The following SGCZ variants were observed in gnomAD, a reference collection of about 807,000 sequenced individuals.
SGCZ encodes sarcoglycan zeta, also known as zeta-sarcoglycan.
In SGCZ, 40 loss-of-function variants were observed where a neutral mutation model predicts 41.3. The ratio of observed to expected loss-of-function variants is 0.97; its 90% CI spans 0.75 to 1.26. The LOEUF (loss-of-function observed/expected upper bound fraction) is 1.26, where lower values mean the gene tolerates loss of function less well. Ranked by LOEUF, SGCZ falls within the 50% of genes most tolerant of loss-of-function variation. The pLI, the probability that SGCZ is intolerant of heterozygous loss-of-function variation, is 0.00. For missense variants in SGCZ, 552 were observed against 369.8 expected, an observed-to-expected ratio of 1.49 and a Z score of -4.04; for synonymous variants, 206 against 137.5, an observed-to-expected ratio of 1.50 and a Z score of -3.49.
intron 1 of SGCZ, among the ~76,000 whole-genome samples, chr8:14,581,156 G>A (rs1181109926): frequency 6.6e-6 from 1 of 152,120 alleles, no homozygotes. Context: ...CACCCAGGCT[G>A]CAGTGCAGTG....
chr8:14,870,519 G>A (rs1162128122), intron 1 of SGCZ, among the ~76,000 whole-genome samples: 2 of 152,118 alleles, frequency 1.3e-5, no homozygotes, highest in Admixed American at 6.5e-5. Context: ...TCAGGACATA[G>A]GCATGAGCAA....
rs201478451 is a variant in SGCZ at position 14,507,760 on chromosome 8, G to GT, written c.234+46971dup. 3.5e-3 allele frequency among the ~76,000 whole-genome samples: 414 copies of GT among 118,684 alleles called. 3 individuals are homozygous for GT. The highest frequency in any genetic ancestry group is 0.013 in the African/African-American group (382 of 30,510). The allele number at this position is 118,684 out of a possible 152,430, so 77.9% of individuals were successfully genotyped here. A position where few individuals can be genotyped will look rare whatever the true frequency, so the allele number is the denominator to read the frequency against. On this transcript the variant is annotated intron_variant, in intron 2 of 7. Coordinates refer to ENST00000382080, the MANE Select transcript of SGCZ (RefSeq NM_139167.4). ...CATTGCTGTTTTTGTTTGTTTGTTT[G>GT]TTTTTTTGTTTTTGTTTTTTTTTTT...
At chr8:14,345,901 T>C (rs1390052309) in intron 2 of SGCZ, among the ~76,000 whole-genome samples, 1 of 152,008 alleles carries the variant, frequency 6.6e-6, no homozygotes, top group Non-Finnish European at 1.5e-5. Context: ...AGTCAAAAGA[T>C]CAGTGGTTGC....
chr8:14,309,027 T>A (rs1208960558), intron 3 of SGCZ: 1 of 1,216,926 alleles, frequency 8.2e-7, no homozygotes, highest in Admixed American at 2.2e-5. Flanking sequence ...TACCAGAAAA[T>A]GAAACCGGAA....
chr8:14,700,968 T>A (rs1809118574), intron 1 of SGCZ, among the ~76,000 whole-genome samples: 1 of 151,916 alleles, frequency 6.6e-6, no homozygotes. Flanking sequence ...GAGGCTCACA[T>A]AATTATGAAG....
At chr8:14,860,097 A>G (rs1005019783) in intron 1 of SGCZ, among the ~76,000 whole-genome samples, 5 of 152,192 alleles carry the variant, frequency 3.3e-5, no homozygotes, top group African/African-American at 1.2e-4. Context: ...ACTAGAAAAC[A>G]TAAAGATGCT....
At chr8:14,865,277 T>C (rs1181500393) in intron 1 of SGCZ, among the ~76,000 whole-genome samples, 1 of 152,026 alleles carries the variant, frequency 6.6e-6, no homozygotes, top group Non-Finnish European at 1.5e-5. Context: ...TCCAGTTAAC[T>C]CTGCTGGAAC....
chr8:15,045,431 T>C (rs1481013605), intron 1 of SGCZ, among the ~76,000 whole-genome samples: 1 of 152,080 alleles, frequency 6.6e-6, no homozygotes, highest in Non-Finnish European at 1.5e-5. Context: ...AATCTCCATA[T>C]TTTTAGACCT....
At chr8:14,893,621 T>C (rs554351208) in intron 1 of SGCZ, among the ~76,000 whole-genome samples, 1 of 152,314 alleles carries the variant, frequency 6.6e-6, no homozygotes, top group Admixed American at 6.5e-5. Flanking sequence ...CTCATAAAGC[T>C]TTATAAATAA....
intron 1 of SGCZ, among the ~76,000 whole-genome samples, chr8:15,185,821 C>T (rs1013130113): frequency 3.9e-5 from 6 of 152,124 alleles, no homozygotes; most frequent in Middle Eastern, 3.2e-3. Flanking sequence ...GCTACTATAA[C>T]TTTGTATGTA....
intron 5 of SGCZ, among the ~76,000 whole-genome samples, chr8:14,120,860 A>C (rs1585153129): frequency 6.6e-6 from 1 of 152,130 alleles, no homozygotes; most frequent in East Asian, 1.9e-4. Context: ...TTTACCAAAA[A>C]CTTTGAATAA....
chr8:14,854,814 G>A (rs139867657), intron 1 of SGCZ, among the ~76,000 whole-genome samples: 24 of 151,936 alleles, frequency 1.6e-4, no homozygotes, highest in African/African-American at 5.8e-4. Context: ...GTCTCCCAGG[G>A]CATATAAACC....
chr8:14,812,942 CTTATATAA>C (rs1366060619), intron 1 of SGCZ, among the ~76,000 whole-genome samples: 2 of 152,210 alleles, frequency 1.3e-5, no homozygotes, highest in Admixed American at 6.5e-5. Context: ...ATATGCCAGA[CTTATATAA>C]TTATATAACT....
intron 1 of SGCZ, among the ~76,000 whole-genome samples, chr8:14,919,835 T>G (rs893886313): frequency 1.3e-5 from 2 of 152,046 alleles, no homozygotes; most frequent in African/African-American, 4.8e-5. Context: ...GTAGAATCAC[T>G]TGAGCCCAGG....
At chr8:14,211,163 T>C (rs1266546056) in intron 4 of SGCZ, among the ~76,000 whole-genome samples, 1 of 152,196 alleles carries the variant, frequency 6.6e-6, no homozygotes, top group African/African-American at 2.4e-5. Flanking sequence ...GGCATGATGC[T>C]TTGTCAGTAG....
intron 1 of SGCZ, among the ~76,000 whole-genome samples, chr8:14,856,190 G>C (rs533106054): frequency 2.6e-5 from 4 of 152,258 alleles, no homozygotes; most frequent in Admixed American, 6.5e-5. Flanking sequence ...ATTTAGCTAA[G>C]ATTAGTTATT....
intron 1 of SGCZ, among the ~76,000 whole-genome samples, chr8:15,083,680 C>T (rs1251525135): frequency 1.3e-5 from 2 of 152,138 alleles, no homozygotes; most frequent in African/African-American, 4.8e-5. Context: ...TCCAGAGTAG[C>T]TGAGGCCACA....
At chr8:14,283,077 C>G (rs1800504676) in intron 3 of SGCZ, among the ~76,000 whole-genome samples, 1 of 151,826 alleles carries the variant, frequency 6.6e-6, no homozygotes, top group African/African-American at 2.4e-5. Flanking sequence ...TCTCGATCTC[C>G]TGACCTCGTG....
chr8:14,922,322 T>A (rs1042315488), intron 1 of SGCZ, among the ~76,000 whole-genome samples: 1 of 152,194 alleles, frequency 6.6e-6, no homozygotes, highest in Non-Finnish European at 1.5e-5. Context: ...CTTTCAGTAA[T>A]ACTGCTTTCA....
Sources: allele counts gnomAD v4.1 joint callset (sites outside exome capture counted in the v4.1 genomes callset), GRCh38; gene constraint gnomAD v4.1.1; transcripts MANE v1.5; gene names NCBI Gene and HGNC (gene_info 2026-07-23, HGNC 2026-07-21).